Variants in ZNRF3 observed in about 807,000 individuals in gnomAD.
ZNRF3 encodes the protein zinc and ring finger 3, also known as E3 ubiquitin-protein ligase ZNRF3.
Under a neutral mutation model 72.5 loss-of-function variants are expected in ZNRF3, and 23 were observed. The ratio of observed to expected loss-of-function variants is 0.32; its 90% CI spans 0.23 to 0.45. The LOEUF (loss-of-function observed/expected upper bound fraction) is 0.45. ZNRF3 is among the 20% of genes least tolerant of loss of function. The pLI is 1.00. For missense variants in ZNRF3, 1,169 were observed against 1,272.1 expected (o/e 0.92, Z 1.23); for synonymous variants, 610 against 545.3 (o/e 1.12, Z -1.65).
intron 1 of ZNRF3, among the ~76,000 whole-genome samples, chr22:28,978,376 G>A (rs1381391569): frequency 6.6e-6 from 1 of 152,168 alleles, no homozygotes; most frequent in Admixed American, 6.5e-5. Context: ...GGTGAAAGCT[G>A]CTGGTTCTTT....
chr22:29,018,124 G>A, intron 2 of ZNRF3: 1 of 513,922 alleles, frequency 1.9e-6, no homozygotes, highest in Non-Finnish European at 3.9e-6. Context: ...ATCCAAAGGA[G>A]AGTCTTGAAC....
chr22:29,010,566 G>A (rs1214478348), intron 2 of ZNRF3, among the ~76,000 whole-genome samples: 2 of 152,000 alleles, frequency 1.3e-5, no homozygotes, highest in African/African-American at 2.4e-5. Flanking sequence ...TATATATTCT[G>A]TATATTGATC....
intron 1 of ZNRF3, among the ~76,000 whole-genome samples, chr22:28,891,350 T>C (rs565230960): frequency 6.6e-6 from 1 of 152,352 alleles, no homozygotes. Context: ...TATGATCAGA[T>C]GTATAATTGA....
At chr22:29,043,457 G>C in intron 4 of ZNRF3, 27 bp downstream of exon 4, 1 of 1,610,898 alleles carries the variant, frequency 6.2e-7, no homozygotes, top group Non-Finnish European at 8.5e-7. Flanking sequence ...TTTGGCACAG[G>C]CTCGGGGCCT....
intron 1 of ZNRF3, among the ~76,000 whole-genome samples, chr22:28,955,813 G>C (rs2035249426): frequency 6.6e-6 from 1 of 151,898 alleles, no homozygotes; most frequent in African/African-American, 2.4e-5. Context: ...CAGCTACTTG[G>C]GAGGCCTAGG....
At chr22:28,899,103 A>T (rs1269981804) in intron 1 of ZNRF3, among the ~76,000 whole-genome samples, 1 of 152,110 alleles carries the variant, frequency 6.6e-6, no homozygotes, top group African/African-American at 2.4e-5. Context: ...AATGCCCATC[A>T]ATAAATGTCA....
intron 1 of ZNRF3, among the ~76,000 whole-genome samples, chr22:28,919,367 A>C (rs2034468682): frequency 6.6e-6 from 1 of 152,188 alleles, no homozygotes; most frequent in South Asian, 2.1e-4. Flanking sequence ...TAAGCACCCA[A>C]CATTAATGAT....
intron 1 of ZNRF3, among the ~76,000 whole-genome samples, chr22:28,902,226 C>T (rs114218949): frequency 0.016 from 2,381 of 152,200 alleles, 72 homozygotes; most frequent in African/African-American, 0.051. Flanking sequence ...TGTGAGCCAC[C>T]GCGCTTGGCA....
intron 1 of ZNRF3, among the ~76,000 whole-genome samples, chr22:28,928,845 G>A (rs1160282233): frequency 6.6e-6 from 1 of 152,062 alleles, no homozygotes; most frequent in Non-Finnish European, 1.5e-5. Context: ...CCCATGCAAG[G>A]TTCCCATAAG....
At position 28,889,915 on chromosome 22, in the gene ZNRF3, T is replaced by C. The variant is rs140980794; in HGVS notation, c.300+5849T>C. Among the ~76,000 whole-genome samples the C allele has an allele frequency of 2.9e-3, 434 of 152,270 alleles. 5 individuals are homozygous for C. Among genetic ancestry groups the C allele is most frequent in the African/African-American group, 9.7e-3 (402 of 41,566 alleles). On this transcript the variant is annotated intron_variant, in intron 1 of 8. Transcript: ENST00000544604. Reference sequence around the variant, plus strand: ...CCTTCCCTTGTGGACCTGGACCCCATGGGGTCTGTTTTTGCTCATTTCTGG... The same window carrying C: ...CCTTCCCTTGTGGACCTGGACCCCACGGGGTCTGTTTTTGCTCATTTCTGG...
chr22:28,924,137 A>G (rs1188609124), intron 1 of ZNRF3, among the ~76,000 whole-genome samples: 1 of 152,154 alleles, frequency 6.6e-6, no homozygotes, highest in Non-Finnish European at 1.5e-5. Context: ...TTTTAAATTT[A>G]AACAAAGACA....
At chr22:28,956,919 AAGC>A (rs1182788251) in intron 1 of ZNRF3, among the ~76,000 whole-genome samples, 1 of 152,228 alleles carries the variant, frequency 6.6e-6, no homozygotes, top group African/African-American at 2.4e-5. Flanking sequence ...ACAGGGGTCT[AAGC>A]AGCTGATTGT....
At chr22:28,949,301 G>T (rs935287747) in intron 1 of ZNRF3, among the ~76,000 whole-genome samples, 2 of 150,056 alleles carry the variant, frequency 1.3e-5, no homozygotes, top group East Asian at 2.0e-4. Flanking sequence ...TTGAGTCAGG[G>T]TCTGACTCTG....
intron 1 of ZNRF3, among the ~76,000 whole-genome samples, chr22:28,936,460 C>T (rs1455958508): frequency 6.6e-6 from 1 of 152,188 alleles, no homozygotes; most frequent in Non-Finnish European, 1.5e-5. Context: ...CTCCTTTCAG[C>T]TCCTAGTGCC....
chr22:28,955,208 T>G (rs966467104), intron 1 of ZNRF3, among the ~76,000 whole-genome samples: 4 of 150,818 alleles, frequency 2.7e-5, no homozygotes, highest in Non-Finnish European at 5.9e-5. Flanking sequence ...ACCCAGCTAA[T>G]TTTTTAAAAT....
chr22:28,894,867 T>TA (rs574908623), intron 1 of ZNRF3, among the ~76,000 whole-genome samples: 49 of 149,848 alleles, frequency 3.3e-4, no homozygotes, highest in South Asian at 1.1e-3. Context: ...TGGGCTCTTC[T>TA]AAAAAAAAAA....
intron 1 of ZNRF3, among the ~76,000 whole-genome samples, chr22:28,939,495 A>G (rs1447376410): frequency 6.6e-6 from 1 of 152,122 alleles, no homozygotes; most frequent in East Asian, 1.9e-4. Flanking sequence ...TTCCGGATAG[A>G]AACAAGGACA....
intron 1 of ZNRF3, among the ~76,000 whole-genome samples, chr22:28,909,910 T>A (rs1220639639): frequency 2.0e-5 from 3 of 149,864 alleles, no homozygotes; most frequent in Non-Finnish European, 4.5e-5. Context: ...GCTAATTTAA[T>A]TTTTTTTTTC....
chr22:29,028,345 G>A (rs988154596), intron 2 of ZNRF3, among the ~76,000 whole-genome samples: 1 of 151,958 alleles, frequency 6.6e-6, no homozygotes, highest in Admixed American at 6.6e-5. Flanking sequence ...AGGCAGCAAG[G>A]GGAGAAAAAA....
Sources: gnomAD v4.1 joint callset for allele counts (sites outside exome capture counted in the v4.1 genomes callset) on GRCh38, gnomAD v4.1.1 for gene constraint, MANE v1.5 for transcripts, NCBI Gene and HGNC (gene_info 2026-07-23, HGNC 2026-07-21) for gene names.